The following TBC1D8 variants were observed in gnomAD, a reference collection of about 807,000 sequenced individuals.
The protein encoded by TBC1D8 is TBC1 domain family member 8, also known as BUB2-like protein 1.
In TBC1D8, 65 loss-of-function variants were observed where a neutral mutation model predicts 118.8. That is an observed-to-expected ratio of 0.55 (90% confidence interval 0.45 to 0.67). TBC1D8 has a LOEUF of 0.67. Ranked by LOEUF, TBC1D8 falls within the 30% of genes least tolerant of loss-of-function variation. The pLI, the probability that TBC1D8 is intolerant of heterozygous loss-of-function variation, is 0.00. For missense variants in TBC1D8, 1,376 were observed against 1,471.2 expected (o/e 0.94, Z 1.06); for synonymous variants, 566 against 595.8 (o/e 0.95, Z 0.73).
intron 2 of TBC1D8, among the ~76,000 whole-genome samples, chr2:101,078,527 T>C (rs1675001026): frequency 1.3e-5 from 2 of 151,744 alleles, no homozygotes. Context: ...CTAAAATACG[T>C]AGGAGAGAAA....
In TBC1D8 at chr2:101,090,289, A is replaced by T; in HGVS notation, c.203T>A (p.Val68Asp). ...GGGAGAATAAACCTGGGAGCCGGGA[A>T]CTTGAAGCAGAATTCGAAATGGAGC... ...RVAPFRILLQ[V>D]PGSQVYSPIA... The change falls in exon 2 of 20, where the codon GTT (valine) becomes GAT (aspartate). Residue 68 changes from valine to aspartate, a missense_variant. Val to Asp is a radical substitution (Grantham distance 152). Coordinates refer to ENST00000409318, the MANE Select transcript of TBC1D8 (RefSeq NM_001330348.2). The T allele has an allele frequency of 6.2e-7, 1 of 1,613,972 alleles. No homozygotes were observed. The highest frequency in any genetic ancestry group is 2.2e-5 in the East Asian group (1 of 44,880).
chr2:101,062,316 A>C (rs976780724), intron 2 of TBC1D8, among the ~76,000 whole-genome samples: 16 of 152,180 alleles, frequency 1.1e-4, no homozygotes, highest in Non-Finnish European at 7.3e-5. Flanking sequence ...AAAAAAAAAA[A>C]ACAAGTGAAG....
chr2:101,082,638 T>G (rs1035073039), intron 2 of TBC1D8, among the ~76,000 whole-genome samples: 3 of 152,186 alleles, frequency 2.0e-5, no homozygotes, highest in African/African-American at 7.2e-5. Context: ...GCGGGACACT[T>G]GAAGATAGGA....
chr2:101,073,320 A>C (rs1674593094), intron 2 of TBC1D8, among the ~76,000 whole-genome samples: 1 of 136,442 alleles, frequency 7.3e-6, no homozygotes, highest in Admixed American at 7.5e-5. Context: ...TTGGAGATGG[A>C]GTCTTGCTCT....
intron 1 of TBC1D8, among the ~76,000 whole-genome samples, chr2:101,120,452 C>T (rs1678049861): frequency 6.6e-6 from 1 of 152,204 alleles, no homozygotes; most frequent in African/African-American, 2.4e-5. Context: ...GTTCTCCAGG[C>T]TCTCACCTGT....
At chr2:101,142,981 C>G (rs1218181382) in intron 1 of TBC1D8, among the ~76,000 whole-genome samples, 2 of 152,002 alleles carry the variant, frequency 1.3e-5, no homozygotes, top group Non-Finnish European at 2.9e-5. Flanking sequence ...AACTAAGAAA[C>G]AAACCATAAA....
At chr2:101,079,430 C>T (rs769268158) in intron 2 of TBC1D8, among the ~76,000 whole-genome samples, 3 of 152,122 alleles carry the variant, frequency 2.0e-5, no homozygotes, top group East Asian at 1.9e-4. Context: ...GTCACTCAGG[C>T]GGAGTGCCAT....
intron 1 of TBC1D8, among the ~76,000 whole-genome samples, chr2:101,096,654 G>A (rs564752708): frequency 9.4e-4 from 143 of 152,002 alleles, no homozygotes; most frequent in Non-Finnish European, 1.8e-3. Flanking sequence ...AATCCTAGAC[G>A]TGAAAAGAAA....
chr2:101,037,766 T>C, intron 7 of TBC1D8, 58 bp from the exon 8 acceptor site: 2 of 1,598,754 alleles, frequency 1.3e-6, no homozygotes, highest in Non-Finnish European at 1.7e-6. Flanking sequence ...ATCATGGCTT[T>C]AGTCGAGGGG....
At chr2:101,122,359 C>G (rs1372434896) in intron 1 of TBC1D8, among the ~76,000 whole-genome samples, 2 of 135,192 alleles carry the variant, frequency 1.5e-5, no homozygotes, top group Non-Finnish European at 3.1e-5. Flanking sequence ...GCGTGAGCCA[C>G]CGCGCCCGGC....
rs72976870 is a variant in TBC1D8 at position 101,028,186 on chromosome 2, C to T, written c.2353-40G>A. On this transcript the variant is annotated intron_variant, in intron 13 of 19. Transcript: ENST00000409318. ...GGGACCACTTGCTCAGTCCCCTGCT[C>T]ATCCAAAGTGTGGAAACAGGAAGTG... 5.1e-3 allele frequency: 8,268 copies of T among 1,611,056 alleles called. 354 individuals are homozygous for T. In the African/African-American group the frequency reaches 0.092, roughly 18 times the overall value.
chr2:101,091,546 G>A (rs1676033319), intron 1 of TBC1D8, among the ~76,000 whole-genome samples: 1 of 152,018 alleles, frequency 6.6e-6, no homozygotes, highest in Admixed American at 6.6e-5. Context: ...GCAATACAGT[G>A]AGATCTCATC....
intron 1 of TBC1D8, among the ~76,000 whole-genome samples, chr2:101,098,435 C>T (rs919073932): frequency 6.6e-6 from 1 of 152,000 alleles, no homozygotes; most frequent in African/African-American, 2.4e-5. Context: ...TTATAACACC[C>T]CACTGTCAGT....
intron 1 of TBC1D8, among the ~76,000 whole-genome samples, chr2:101,140,363 A>G (rs1403313352): frequency 1.3e-5 from 2 of 152,232 alleles, no homozygotes; most frequent in East Asian, 1.9e-4. Context: ...AGCTTCTGTA[A>G]AATGACACAC....
In TBC1D8 at chr2:101,007,697, T is replaced by C. The variant is rs1678831425; in HGVS notation, c.*124A>G. 1 of 975,780 alleles carries C rather than the reference T, an allele frequency of 1.0e-6. No homozygotes were observed. The highest frequency in any genetic ancestry group is 1.5e-6 in the Non-Finnish European group (1 of 652,604). The allele number at this position is 975,780 out of a possible 1,614,324, so 60.4% of individuals were successfully genotyped here. ...GTTCCCCTGGCCACAGTTTGTCAGGTTGTTTAGCCAGATGCCCCATTGGTA... is the reference window on the plus strand; with the variant it reads ...GTTCCCCTGGCCACAGTTTGTCAGGCTGTTTAGCCAGATGCCCCATTGGTA... On this transcript the variant is annotated 3_prime_UTR_variant, in exon 20 of 20. Coordinates refer to ENST00000409318, the MANE Select transcript of TBC1D8 (RefSeq NM_001330348.2).
At chr2:101,015,225 T>C (rs1288383316) in intron 17 of TBC1D8, among the ~76,000 whole-genome samples, 1 of 151,982 alleles carries the variant, frequency 6.6e-6, no homozygotes, top group Admixed American at 6.6e-5. Context: ...AAAGGTGCTA[T>C]AAAAATATGG....
chr2:101,055,508 T>C (rs1182366328), intron 3 of TBC1D8, among the ~76,000 whole-genome samples: 1 of 152,168 alleles, frequency 6.6e-6, no homozygotes. Flanking sequence ...AAATGGATAT[T>C]GGCCAAGGTT....
intron 5 of TBC1D8, among the ~76,000 whole-genome samples, chr2:101,045,490 C>T (rs1011662565): frequency 1.3e-5 from 2 of 152,190 alleles, no homozygotes; most frequent in Non-Finnish European, 2.9e-5. Flanking sequence ...AGGCTTAACG[C>T]GTCCCCAAAC....
chr2:101,013,075 A>G (rs1309349054), intron 17 of TBC1D8, among the ~76,000 whole-genome samples: 1 of 152,228 alleles, frequency 6.6e-6, no homozygotes, highest in Non-Finnish European at 1.5e-5. Flanking sequence ...ACAAAATGTG[A>G]TGGGAGCCAT....
Sources: gnomAD v4.1 joint callset for allele counts (sites outside exome capture counted in the v4.1 genomes callset) on GRCh38, gnomAD v4.1.1 for gene constraint, MANE v1.5 for transcripts, NCBI Gene and HGNC (gene_info 2026-07-23, HGNC 2026-07-21) for gene names.